FANCL: variants seen among roughly 807,000 people sequenced by gnomAD.
FANCL encodes the protein E3 ubiquitin-protein ligase FANCL.
Under a neutral mutation model 59.4 loss-of-function variants are expected in FANCL, and 69 were observed. That is an observed-to-expected ratio of 1.16 (90% CI 0.96 to 1.42). The LOEUF (loss-of-function observed/expected upper bound fraction) is 1.42, where lower values mean the gene tolerates loss of function less well. Among genes scored for constraint, FANCL ranks in the 40% most tolerant of loss-of-function variants. The pLI, the probability that FANCL is intolerant of heterozygous loss-of-function variation, is 0.00. For synonymous variants in FANCL, 180 were observed against 147.1 expected, an observed-to-expected ratio of 1.22 and a Z score of -1.62; for missense variants, 519 against 447.2, an observed-to-expected ratio of 1.16 and a Z score of -1.45.
At chr2:58,203,149 A>G (rs1690215009) in intron 6 of FANCL, among the ~76,000 whole-genome samples, 1 of 151,742 alleles carries the variant, frequency 6.6e-6, no homozygotes. Context: ...TTTTTCCAAG[A>G]CTTATCACAT....
chr2:58,219,171 A>AAAAAATAT, intron 5 of FANCL, among the ~76,000 whole-genome samples: 1 of 19,262 alleles, frequency 5.2e-5, no homozygotes, highest in Non-Finnish European at 9.0e-5. Context: ...AAAAAAAAAA[A>AAAAAATAT]ATATATATAT....
intron 7 of FANCL, among the ~76,000 whole-genome samples, chr2:58,175,995 A>G (rs952751798): frequency 2.6e-5 from 4 of 152,218 alleles, no homozygotes; most frequent in Non-Finnish European, 5.9e-5. Flanking sequence ...AATAACAGAC[A>G]AACAGCCAAA....
chr2:58,180,165 G>A (rs911289162), intron 7 of FANCL, among the ~76,000 whole-genome samples: 6 of 152,160 alleles, frequency 3.9e-5, no homozygotes, highest in South Asian at 2.1e-4. Flanking sequence ...ACAGTGTGGC[G>A]ATTCCTCAAG....
Position 58,161,524 on chromosome 2 carries a change from C to T in FANCL, c.1018G>A (p.Glu340Lys), listed in dbSNP as rs138360456. Residue 340 changes from glutamate to lysine, a missense_variant and splice_region_variant, in exon 12 of 14, where the codon GAG becomes AAG. Coordinates refer to ENST00000233741, the MANE Select transcript of FANCL (RefSeq NM_018062.4). ...TTGACAATATTTTTATTTTTTACCT[C>T]ATATAAGCATATTTGATGGAAAGGT... ...GQPFHQICLY[E>K]WLRGLLTSRQ... is the part of the protein sequence containing the mutation. 11 of 1,570,842 alleles carry T rather than the reference C, an allele frequency of 7.0e-6. No individual in the cohort carries two copies. The highest frequency in any genetic ancestry group is 1.4e-5 in the African/African-American group (1 of 73,838).
intron 5 of FANCL, among the ~76,000 whole-genome samples, chr2:58,207,724 G>A (rs1044232462): frequency 3.3e-5 from 5 of 152,140 alleles, no homozygotes; most frequent in Non-Finnish European, 7.4e-5. Context: ...AAAAAAGAGT[G>A]ATAAACTCTT....
At chr2:58,238,810 T>C (rs1054558428) in intron 1 of FANCL, among the ~76,000 whole-genome samples, 3 of 152,168 alleles carry the variant, frequency 2.0e-5, no homozygotes, top group African/African-American at 7.2e-5. Context: ...ATTGACATCA[T>C]ATAGCTTCTA....
rs1684893375 is a variant in FANCL, at chr2:58,160,115, C to T, written c.1085G>A (p.Cys362Tyr). 1 of 1,612,570 alleles carries T rather than the reference C, an allele frequency of 6.2e-7. No homozygotes were observed. Residue 362 changes from cysteine to tyrosine, a missense_variant, in exon 13 of 14, where the codon TGT becomes TAT. By Grantham distance (194) the Cys-to-Tyr change is radical. Transcript: ENST00000233741. ...GATTAACAATTTGCTTACCTTACTA[C>T]AATATGGACATTCACCAAATATGAT... ...FNIIFGECPY[C>Y]SKPITLKMSG... is the part of the protein sequence containing the mutation.
chr2:58,186,186 T>C (rs1688385001), intron 7 of FANCL, among the ~76,000 whole-genome samples: 1 of 152,226 alleles, frequency 6.6e-6, no homozygotes, highest in Non-Finnish European at 1.5e-5. Flanking sequence ...TGCCAAGTTA[T>C]ACTGCTTAGG....
intron 5 of FANCL, among the ~76,000 whole-genome samples, chr2:58,211,186 T>A (rs1456217893): frequency 6.6e-6 from 1 of 152,236 alleles, no homozygotes; most frequent in Non-Finnish European, 1.5e-5. Context: ...GGAATTTCCA[T>A]ACATCTTCTG....
intron 7 of FANCL, among the ~76,000 whole-genome samples, chr2:58,197,688 T>G (rs1390487945): frequency 6.6e-6 from 1 of 152,218 alleles, no homozygotes; most frequent in Non-Finnish European, 1.5e-5. Flanking sequence ...TCTTCTGTAT[T>G]CTTTACTCAA....
At chr2:58,198,539 C>G in intron 7 of FANCL, 55 bp downstream of exon 7, 2 of 1,458,714 alleles carry the variant, frequency 1.4e-6, no homozygotes, top group Non-Finnish European at 9.6e-7. Context: ...TCTGGGACAA[C>G]TGTACTTTTT....
intron 4 of FANCL, among the ~76,000 whole-genome samples, chr2:58,222,306 C>T (rs1692554864): frequency 8.1e-6 from 1 of 122,886 alleles, no homozygotes; most frequent in African/African-American, 3.8e-5. Context: ...ACTATTATGC[C>T]TATCGGAGAT....
At chr2:58,170,892 CAA>C (rs1160589332) in intron 7 of FANCL, among the ~76,000 whole-genome samples, 2 of 152,100 alleles carry the variant, frequency 1.3e-5, no homozygotes, top group African/African-American at 4.8e-5. Flanking sequence ...CAGAGACCTA[CAA>C]AGAGACTTAA....
intron 7 of FANCL, among the ~76,000 whole-genome samples, chr2:58,166,548 A>G (rs1244303871): frequency 1.3e-5 from 2 of 152,234 alleles, no homozygotes; most frequent in African/African-American, 2.4e-5. Context: ...CTGACTTTAA[A>G]AATCAGTTTT....
intron 6 of FANCL, 42 bp downstream of exon 6, chr2:58,204,088 A>C: frequency 6.9e-7 from 1 of 1,453,340 alleles, no homozygotes; most frequent in African/African-American, 1.4e-5. Flanking sequence ...TCATTTCACA[A>C]AGTATTTTCT....
intron 7 of FANCL, among the ~76,000 whole-genome samples, chr2:58,191,004 T>C (rs1047005670): frequency 3.3e-5 from 5 of 151,860 alleles, no homozygotes; most frequent in Non-Finnish European, 7.4e-5. Flanking sequence ...CTTCAACCTA[T>C]TGGATCTTTA....
At chr2:58,170,073 AC>A (rs1184940193) in intron 7 of FANCL, among the ~76,000 whole-genome samples, 5 of 152,178 alleles carry the variant, frequency 3.3e-5, no homozygotes, top group Admixed American at 3.3e-4. Flanking sequence ...CAACCACAAG[AC>A]ACATAATGGT....
intron 7 of FANCL, among the ~76,000 whole-genome samples, chr2:58,170,540 G>C (rs972274934): frequency 6.6e-6 from 1 of 151,838 alleles, no homozygotes; most frequent in Non-Finnish European, 1.5e-5. Context: ...ATGTAAACGA[G>C]CTAAATCCCC....
At chr2:58,232,177 C>A in intron 1 of FANCL, 65 bp from the exon 2 acceptor site, 4 of 1,286,226 alleles carry the variant, frequency 3.1e-6, no homozygotes, top group Non-Finnish European at 2.3e-6. Flanking sequence ...AGAAGTTAAA[C>A]AGAATCACAA....
Sources: gnomAD v4.1 joint callset for allele counts (sites outside exome capture counted in the v4.1 genomes callset) on GRCh38, gnomAD v4.1.1 for gene constraint, MANE v1.5 for transcripts, NCBI Gene and HGNC (gene_info 2026-07-23, HGNC 2026-07-21) for gene names.